The following CPM variants were observed in gnomAD, a reference collection of about 807,000 sequenced individuals.
The protein encoded by CPM is renal carboxypeptidase.
In CPM, 35 loss-of-function variants were observed where a neutral mutation model predicts 46.4. The observed-to-expected ratio is 0.75, with a 90% confidence interval of 0.58 to 1.00. The LOEUF (loss-of-function observed/expected upper bound fraction) is 1.00. CPM is among the 50% of genes least tolerant of loss of function. The probability of loss-of-function intolerance (pLI) is 0.00; values close to 1 mark genes in which losing one functional copy is unlikely to be tolerated. For missense variants in CPM, 422 were observed against 530.4 expected (o/e 0.80, Z 2.01); for synonymous variants, 195 against 195.3 (o/e 1.00, Z 0.01).
intron 3 of CPM, among the ~76,000 whole-genome samples, chr12:68,880,485 C>G (rs924191729): frequency 6.6e-6 from 1 of 152,154 alleles, no homozygotes; most frequent in Non-Finnish European, 1.5e-5. Flanking sequence ...ACAGCAAGCC[C>G]AAATCCTCTC....
chr12:68,899,461 A>G (rs1036257329), intron 2 of CPM, among the ~76,000 whole-genome samples: 4 of 152,234 alleles, frequency 2.6e-5, no homozygotes, highest in African/African-American at 9.6e-5. Flanking sequence ...CTGTTCTCAA[A>G]ATTATTGAGG....
At chr12:68,904,497 C>A (rs1887254294) in intron 2 of CPM, among the ~76,000 whole-genome samples, 1 of 152,204 alleles carries the variant, frequency 6.6e-6, no homozygotes, top group Non-Finnish European at 1.5e-5. Context: ...AATGGTTGGG[C>A]TTCAGGATGA....
intron 3 of CPM, among the ~76,000 whole-genome samples, chr12:68,873,691 A>G (rs945769190): frequency 6.6e-6 from 1 of 151,606 alleles, no homozygotes; most frequent in Non-Finnish European, 1.5e-5. Flanking sequence ...AAAAAGAAAG[A>G]AAGAAAATTT....
At chr12:68,874,642 G>A (rs750610427) in intron 3 of CPM, among the ~76,000 whole-genome samples, 1 of 152,086 alleles carries the variant, frequency 6.6e-6, no homozygotes, top group Admixed American at 6.6e-5. Flanking sequence ...GAAAAAGATC[G>A]TTGGTTTAAG....
chr12:68,846,220 T>C (rs1884286677), downstream of CPM: 1 of 152,248 alleles, frequency 6.6e-6, no homozygotes. Context: ...CCCAAAGTAC[T>C]GGGATTACAG....
intron 3 of CPM, among the ~76,000 whole-genome samples, chr12:68,876,261 C>A (rs61642036): frequency 0.063 from 9,555 of 152,226 alleles, 514 homozygotes; most frequent in East Asian, 0.19. Flanking sequence ...AAAGAACCAA[C>A]TAAGCATCAG....
chr12:68,931,695 G>A lies in CPM; in HGVS notation c.160+983C>T, dbSNP rs372997238. On this transcript the variant is annotated intron_variant, in intron 2 of 8. Transcript: ENST00000551568. ...AGGAAGCCGGAGGTTGCAGTGAGCC[G>A]AGATCACGCCACTGCACTCCAGCCT... Among the ~76,000 whole-genome samples, 72 of 132,770 alleles carry A rather than the reference G, an allele frequency of 5.4e-4. 1 individual carries two copies. The highest frequency in any genetic ancestry group is 1.7e-3 in the African/African-American group (58 of 34,248). 87.1% of individuals were successfully genotyped at this position (132,770 alleles called of 152,430 possible).
At chr12:68,859,321 A>C (rs966396246) in intron 7 of CPM, among the ~76,000 whole-genome samples, 2 of 152,206 alleles carry the variant, frequency 1.3e-5, no homozygotes, top group African/African-American at 4.8e-5. Context: ...GTATTATCAC[A>C]GTGAGAGAAC....
intron 2 of CPM, among the ~76,000 whole-genome samples, chr12:68,912,627 G>A (rs895488417): frequency 5.9e-5 from 9 of 152,130 alleles, no homozygotes; most frequent in African/African-American, 1.9e-4. Flanking sequence ...TGAGCCCACT[G>A]AGTTTTGGAA....
chr12:68,932,722 T>C lies in CPM; in HGVS notation c.116A>G (p.Tyr39Cys). The C allele has an allele frequency of 6.2e-7, 1 of 1,614,210 alleles. No homozygotes were observed. The highest frequency in any genetic ancestry group is 8.5e-7 in the Non-Finnish European group (1 of 1,180,024). ...ACTGTGTAAGTGAGTGACAGAACTG[T>C]AGTTTTGGGCAACAGTCTTCAAAAA... ...EAFLKTVAQN[Y>C]SSVTHLHSIG... Residue 39 changes from tyrosine to cysteine, a missense_variant, in exon 2 of 9, where the codon TAC (tyrosine) becomes TGC (cysteine). Tyr to Cys is a radical substitution (Grantham distance 194). Coordinates refer to ENST00000551568, the MANE Select transcript of CPM (RefSeq NM_198320.5).
At chr12:68,942,462 G>A (rs78761576) in intron 1 of CPM, among the ~76,000 whole-genome samples, 121 of 152,308 alleles carry the variant, frequency 7.9e-4, no homozygotes, top group African/African-American at 2.7e-3. Flanking sequence ...ATCATGCACC[G>A]TTATCACACT....
intron 4 of CPM, among the ~76,000 whole-genome samples, chr12:68,871,173 T>C (rs1426212119): frequency 1.3e-5 from 2 of 152,240 alleles, no homozygotes. Flanking sequence ...TTCTTGCTTA[T>C]GGTTAGTTCT....
chr12:68,845,270 A>G (rs1884193759), intron 5 of CPM: 1 of 214,926 alleles, frequency 4.7e-6, no homozygotes, highest in African/African-American at 2.3e-5. Flanking sequence ...ATTGTCTACC[A>G]TGTAGCCAGC....
At chr12:68,941,997 C>A (rs563047070) in intron 1 of CPM, among the ~76,000 whole-genome samples, 1 of 152,198 alleles carries the variant, frequency 6.6e-6, no homozygotes, top group East Asian at 1.9e-4. Context: ...TAAACTACCA[C>A]GGGTGATGTC....
chr12:68,903,827 G>A (rs904050631), intron 2 of CPM, among the ~76,000 whole-genome samples: 19 of 151,538 alleles, frequency 1.3e-4, no homozygotes, highest in South Asian at 1.0e-3. Context: ...TGTCCGTCCC[G>A]CCGTCCGTCC....
intron 8 of CPM, among the ~76,000 whole-genome samples, chr12:68,858,450 A>G (rs12825767): frequency 0.038 from 5,719 of 152,286 alleles, 143 homozygotes; most frequent in Non-Finnish European, 0.057. Flanking sequence ...GCTGCAAAAT[A>G]TGTTTATCAT....
At chr12:68,932,655 A>C (rs1888557505) in intron 2 of CPM, 23 bp downstream of exon 2, 1 of 1,611,388 alleles carries the variant, frequency 6.2e-7, no homozygotes. Context: ...GGTTTGGCAA[A>C]GTGTTCACGA....
intron 3 of CPM, among the ~76,000 whole-genome samples, chr12:68,882,939 A>G (rs1380775790): frequency 6.6e-6 from 1 of 152,256 alleles, no homozygotes; most frequent in African/African-American, 2.4e-5. Flanking sequence ...TGGCAGGTGT[A>G]ATCAGCAGAG....
intron 2 of CPM, among the ~76,000 whole-genome samples, chr12:68,901,805 C>T (rs992331060): frequency 6.6e-6 from 1 of 152,052 alleles, no homozygotes; most frequent in African/African-American, 2.4e-5. Flanking sequence ...ATTAGATCAC[C>T]ACTCACTTCC....
Sources: gnomAD v4.1 joint callset for allele counts (sites outside exome capture counted in the v4.1 genomes callset) on GRCh38, gnomAD v4.1.1 for gene constraint, MANE v1.5 for transcripts, NCBI Gene and HGNC (gene_info 2026-07-23, HGNC 2026-07-21) for gene names.